Variants in ECPAS observed in about 807,000 individuals in gnomAD.
The protein encoded by ECPAS is Ecm29 proteasome adaptor and scaffold.
Under a neutral mutation model 255.1 loss-of-function variants are expected in ECPAS, and 70 were observed. The ratio of observed to expected loss-of-function variants is 0.27; its 90% CI spans 0.23 to 0.33. The LOEUF is 0.33. Among genes scored for constraint, ECPAS ranks in the 10% least tolerant of loss-of-function variants. ECPAS has a pLI of 1.00. For synonymous variants in ECPAS, 784 were observed against 775.0 expected (o/e 1.01, Z -0.19); for missense variants, 1,817 against 2,206.4 (o/e 0.82, Z 3.54).
At chr9:111,423,030 T>C (rs1465357773) in intron 13 of ECPAS, among the ~76,000 whole-genome samples, 169 bp downstream of exon 13, 1 of 152,164 alleles carries the variant, frequency 6.6e-6, no homozygotes, top group Non-Finnish European at 1.5e-5. Flanking sequence ...AATTAAAATG[T>C]CTCACATCTT....
chr9:111,383,011 G>A (rs1435351940), intron 35 of ECPAS, among the ~76,000 whole-genome samples, 200 bp downstream of exon 35: 1 of 152,200 alleles, frequency 6.6e-6, no homozygotes, highest in African/African-American at 2.4e-5. Context: ...CAACACGCTT[G>A]ACTCAGAATG....
rs143492409 is a variant in ECPAS, at chr9:111,365,288, T to TATCATCATCATC, written c.5308+939_5308+950dup. Among the ~76,000 whole-genome samples the TATCATCATCATC allele has an allele frequency of 3.2e-3, 473 of 147,642 alleles. 2 individuals are homozygous for TATCATCATCATC. Among genetic ancestry groups the TATCATCATCATC allele is most frequent in the South Asian group, 5.6e-3 (25 of 4,502 alleles). ...CTGTCTCAAAAATAATAATAACCAT[T>TATCATCATCATC]ATCATCATCATCATCATCATCATCA... is the stretch of plus-strand genomic sequence containing the variant. On this transcript the variant is annotated intron_variant, in intron 48 of 49. Transcript: ENST00000684092.
chr9:111,439,606 C>A (rs1483671258), intron 6 of ECPAS, among the ~76,000 whole-genome samples: 1 of 152,036 alleles, frequency 6.6e-6, no homozygotes, highest in Admixed American at 6.6e-5. Context: ...TTGTTGTTTT[C>A]TTTCTTTCTT....
chr9:111,416,409 C>T (rs964296583), intron 17 of ECPAS, 57 bp from the exon 18 acceptor site: 23 of 1,242,866 alleles, frequency 1.9e-5, no homozygotes, highest in African/African-American at 1.2e-4. Flanking sequence ...CATACCTGCC[C>T]TTCCTCAACT....
At chr9:111,434,080 T>G (rs2098234104) in intron 7 of ECPAS, among the ~76,000 whole-genome samples, 1 of 152,228 alleles carries the variant, frequency 6.6e-6, no homozygotes. Flanking sequence ...AGTTTCATTT[T>G]CATCTTAAAA....
chr9:111,375,223 T>G (rs192139489), intron 37 of ECPAS, 21 bp from the exon 38 acceptor site: 170 of 1,598,774 alleles, frequency 1.1e-4, no homozygotes, highest in African/African-American at 9.8e-4. Flanking sequence ...AGGACAAATA[T>G]AAAGGTAAGC....
chr9:111,442,512 T>C (rs1276106195), intron 4 of ECPAS, 88 bp from the exon 5 acceptor site: 14 of 843,204 alleles, frequency 1.7e-5, no homozygotes, highest in Admixed American at 4.7e-5. Flanking sequence ...TAGAGAGTTA[T>C]GGTTACAACA....
At chr9:111,410,593 C>G (rs1029086) in intron 22 of ECPAS, among the ~76,000 whole-genome samples, 7 of 152,006 alleles carry the variant, frequency 4.6e-5, no homozygotes, top group Admixed American at 1.3e-4. Context: ...CACAGCTCAC[C>G]GCAGCCTGGA....
chr9:111,444,282 T>G (rs1589210101), intron 4 of ECPAS, 96 bp downstream of exon 4: 3 of 763,470 alleles, frequency 3.9e-6, no homozygotes. Context: ...TGGTCTAAGG[T>G]GAAATTCTAA....
intron 30 of ECPAS, 35 bp from the exon 31 acceptor site, chr9:111,389,758 C>A: frequency 6.4e-7 from 1 of 1,564,018 alleles, no homozygotes; most frequent in Non-Finnish European, 8.7e-7. Flanking sequence ...TCAGATGCAC[C>A]ATTATAGTAA....
At chr9:111,435,169 G>T (rs1034530958) in intron 7 of ECPAS, among the ~76,000 whole-genome samples, 4 of 152,156 alleles carry the variant, frequency 2.6e-5, no homozygotes, top group African/African-American at 9.6e-5. Flanking sequence ...AAAGGGCTGG[G>T]ATTACAGGCC....
intron 9 of ECPAS, 28 bp downstream of exon 9, chr9:111,430,519 G>T: frequency 7.2e-7 from 1 of 1,390,004 alleles, no homozygotes; most frequent in Non-Finnish European, 1.0e-6. Context: ...TTTTTACGCT[G>T]ATGTGAGAAT....
At chr9:111,443,398 G>A (rs371330206) in intron 4 of ECPAS, among the ~76,000 whole-genome samples, 6 of 151,944 alleles carry the variant, frequency 3.9e-5, no homozygotes, top group South Asian at 2.1e-4. Context: ...CTACAGGCAC[G>A]CGCCACCACG....
At chr9:111,471,367 A>G (rs1338727101) in intron 2 of ECPAS, among the ~76,000 whole-genome samples, 2 of 152,200 alleles carry the variant, frequency 1.3e-5, no homozygotes, top group Non-Finnish European at 2.9e-5. Flanking sequence ...AAACAGGCCA[A>G]AATTTATTTT....
intron 6 of ECPAS, among the ~76,000 whole-genome samples, chr9:111,439,812 G>C (rs1281908791): frequency 6.6e-6 from 1 of 151,970 alleles, no homozygotes; most frequent in African/African-American, 2.4e-5. Context: ...GAGATTTGAA[G>C]AAGTGGAGCC....
chr9:111,421,412 T>TGTGTGTGTGG (rs1491016698), intron 15 of ECPAS, among the ~76,000 whole-genome samples: 6 of 48,738 alleles, frequency 1.2e-4, no homozygotes, highest in African/African-American at 5.9e-4. Context: ...TACATATATG[T>TGTGTGTGTGG]GTGTGTGTGT....
intron 4 of ECPAS, among the ~76,000 whole-genome samples, chr9:111,442,798 A>G (rs2098247702): frequency 6.6e-6 from 1 of 152,214 alleles, no homozygotes; most frequent in African/African-American, 2.4e-5. Flanking sequence ...GGAGGAGATC[A>G]GGTGTTGACA....
chr9:111,409,218 T>C (rs1230384094), intron 23 of ECPAS, among the ~76,000 whole-genome samples: 2 of 152,154 alleles, frequency 1.3e-5, no homozygotes, highest in Admixed American at 1.3e-4. Context: ...AACTATACTG[T>C]ATATCTTCTC....
At chr9:111,385,521 T>G in intron 32 of ECPAS, 79 bp from the exon 33 acceptor site, 1 of 828,070 alleles carries the variant, frequency 1.2e-6, no homozygotes, top group East Asian at 2.7e-5. Flanking sequence ...TAAAAAAGAA[T>G]ACAGATTCTG....
Sources: gnomAD v4.1 joint callset for allele counts (sites outside exome capture counted in the v4.1 genomes callset) on GRCh38, gnomAD v4.1.1 for gene constraint, MANE v1.5 for transcripts, NCBI Gene and HGNC (gene_info 2026-07-23, HGNC 2026-07-21) for gene names.